Variants in ELFN1 observed in about 807,000 individuals in gnomAD.
ELFN1 encodes the protein protein ELFN1.
In ELFN1, 6 loss-of-function variants were observed where a neutral mutation model predicts 7.6. That is an observed-to-expected ratio of 0.79 (90% confidence interval 0.43 to 1.56). The LOEUF is 1.56. Ranked by LOEUF, ELFN1 falls within the 40% of genes most tolerant of loss-of-function variation. ELFN1 has a pLI of 0.01. For synonymous variants in ELFN1, 657 were observed against 588.1 expected (o/e 1.12, Z -1.70); for missense variants, 1,169 against 1,232.2 (o/e 0.95, Z 0.77).
rs577688207 is a variant in ELFN1, at chr7:1,735,111, T to C, written c.-293-9193T>C. Among the ~76,000 whole-genome samples, 22 of 152,252 alleles carry C rather than the reference T, an allele frequency of 1.4e-4. No homozygotes were observed. Among genetic ancestry groups the C allele is most frequent in the Non-Finnish European group, 2.8e-4 (19 of 68,014 alleles). On this transcript the variant is annotated intron_variant, in intron 3 of 3. Coordinates refer to ENST00000424383, the MANE Select transcript of ELFN1 (RefSeq NM_001128636.4). This position sits in a 1 kb window ranked among gnomAD's most constrained non-coding sequence, Gnocchi z 5.9. Reference sequence around the variant, plus strand: ...CCCATGCTGAGCCTCTGTTTCCCCATCTGTCCAATTGAGGTAACACTAACC... The same window carrying C: ...CCCATGCTGAGCCTCTGTTTCCCCACCTGTCCAATTGAGGTAACACTAACC...
intron 3 of ELFN1, among the ~76,000 whole-genome samples, chr7:1,736,811 C>G (rs1027041342): frequency 4.0e-4 from 61 of 152,272 alleles, no homozygotes; most frequent in Middle Eastern, 3.4e-3. Flanking sequence ...CCTGGCCTCT[C>G]CTGCTGTGGC....
chr7:1,710,156 A>G (rs1208424228), intron 3 of ELFN1, among the ~76,000 whole-genome samples: 1 of 152,242 alleles, frequency 6.6e-6, no homozygotes, highest in African/African-American at 2.4e-5. Flanking sequence ...TCCATATTGA[A>G]GAGTTCTATA....
intron 1 of ELFN1, among the ~76,000 whole-genome samples, chr7:1,671,786 C>T (rs762436112): frequency 5.9e-5 from 9 of 152,238 alleles, no homozygotes; most frequent in Non-Finnish European, 8.8e-5. Context: ...GCTTACAGGT[C>T]CCAGCCCAGG....
intron 3 of ELFN1, among the ~76,000 whole-genome samples, chr7:1,724,440 G>A (rs982164322): frequency 1.3e-5 from 2 of 152,170 alleles, no homozygotes; most frequent in East Asian, 1.9e-4. Flanking sequence ...GGCTGGCTAC[G>A]TGGGTGTGAG....
Position 1,675,977 on chromosome 7 carries a change from C to G in ELFN1, c.-549+5623C>G, listed in dbSNP as rs146068025. Among the ~76,000 whole-genome samples the G allele has an allele frequency of 2.6e-3, 394 of 152,274 alleles. 6 individuals are homozygous for G. The highest frequency in any genetic ancestry group is 9.2e-3 in the African/African-American group (381 of 41,554). On this transcript the variant is annotated intron_variant, in intron 1 of 3. Transcript: ENST00000424383. ...AGGATGTGTCTCCTGGGCGTGGACT[C>G]TGGGCTGTGCTGTGGCTCCTGCCTG...
In ELFN1 at chr7:1,670,560, G is replaced by C. The variant is rs934021613; in HGVS notation, c.-549+206G>C. 1.7e-4 allele frequency among the ~76,000 whole-genome samples: 26 copies of C among 151,864 alleles called. No individual in the cohort carries two copies. The highest frequency in any genetic ancestry group is 6.3e-4 in the African/African-American group (26 of 41,452). ...AAGTTGGAGGAACTTGGCGGCGGCG[G>C]AGCGGGCGCAGGCTCAGCCCGACAA... On this transcript the variant is annotated intron_variant, in intron 1 of 3. Transcript: ENST00000424383. This position sits in a 1 kb window ranked among gnomAD's most constrained non-coding sequence, Gnocchi z 6.4.
chr7:1,677,824 G>A (rs1031699327), intron 1 of ELFN1, among the ~76,000 whole-genome samples: 1 of 151,996 alleles, frequency 6.6e-6, no homozygotes, highest in African/African-American at 2.4e-5. Context: ...GCTCTGAGAT[G>A]CAGGGAGCGT....
At chr7:1,689,949 G>A (rs1329876542) in intron 2 of ELFN1, among the ~76,000 whole-genome samples, 1 of 152,206 alleles carries the variant, frequency 6.6e-6, no homozygotes, top group Non-Finnish European at 1.5e-5. Context: ...CTGGACACCT[G>A]GCATCTGGAG....
At chr7:1,720,588 C>T (rs184830494) in intron 3 of ELFN1, among the ~76,000 whole-genome samples, 11 of 152,278 alleles carry the variant, frequency 7.2e-5, no homozygotes, top group Non-Finnish European at 1.3e-4. Context: ...TGGCTCTTTG[C>T]GCCAGCTTGT....
intron 3 of ELFN1, among the ~76,000 whole-genome samples, chr7:1,711,757 T>C (rs1779664162): frequency 6.6e-6 from 1 of 152,210 alleles, no homozygotes; most frequent in Admixed American, 6.5e-5. Context: ...TGCCCCTCTG[T>C]GGATGACAGT....
At chr7:1,703,730 C>T (rs1329641929) in intron 2 of ELFN1, among the ~76,000 whole-genome samples, 3 of 152,164 alleles carry the variant, frequency 2.0e-5, no homozygotes, top group African/African-American at 4.8e-5. Context: ...CTAATTACCA[C>T]GGGGACAATC....
At chr7:1,667,971 G>GA (rs1221293045), upstream of ELFN1, among the ~76,000 whole-genome samples, 1 of 141,388 alleles carries the variant, frequency 7.1e-6, no homozygotes, top group African/African-American at 2.5e-5. This position sits in a 1 kb window ranked among gnomAD's most constrained non-coding sequence, Gnocchi z 8.2. Flanking sequence ...GGGGTGGGGG[G>GA]GGGGGGCGGC....
chr7:1,693,900 C>T, intron 2 of ELFN1: 1 of 405,304 alleles, frequency 2.5e-6, no homozygotes, highest in South Asian at 1.8e-5. Flanking sequence ...GTCCATGCCA[C>T]CTCCTCCTGC....
chr7:1,707,419 C>A (rs1320517605), intron 2 of ELFN1, among the ~76,000 whole-genome samples: 1 of 152,220 alleles, frequency 6.6e-6, no homozygotes, highest in South Asian at 2.1e-4. Context: ...TGGGGCTTTG[C>A]GGGAGGCTGG....
At chr7:1,741,660 C>T (rs1780618015) in intron 3 of ELFN1, among the ~76,000 whole-genome samples, 1 of 152,110 alleles carries the variant, frequency 6.6e-6, no homozygotes. Flanking sequence ...CCAGCCAGGC[C>T]CTGGAGATGT....
At chr7:1,722,265 C>T (rs1780045535) in intron 3 of ELFN1, among the ~76,000 whole-genome samples, 2 of 135,286 alleles carry the variant, frequency 1.5e-5, no homozygotes, top group African/African-American at 5.4e-5. Flanking sequence ...TTAGGAGCCA[C>T]TTTTTTTTTT....
At chr7:1,741,129 CAAAAAA>C (rs34300810) in intron 3 of ELFN1, among the ~76,000 whole-genome samples, 3 of 116,876 alleles carry the variant, frequency 2.6e-5, no homozygotes, top group African/African-American at 9.9e-5. Context: ...GACTCTGTCT[CAAAAAA>C]AAAAAAAAAA....
rs531305655 is a variant in ELFN1, at chr7:1,744,534, G to A, written c.-63G>A. 15 of 1,427,400 alleles carry A rather than the reference G, an allele frequency of 1.1e-5. No individual in the cohort carries two copies. The highest frequency in any genetic ancestry group is 7.6e-5 in the South Asian group (5 of 66,128). 88.4% of individuals were successfully genotyped at this position (1,427,400 alleles called of 1,614,324 possible). ...CCCCTCCATCCCTCTGGGGGCTGGC[G>A]CCTGGCCCCCCACCTGGTCCCCCTG... On this transcript the variant is annotated 5_prime_UTR_variant, in exon 4 of 4. Coordinates refer to ENST00000424383, the MANE Select transcript of ELFN1 (RefSeq NM_001128636.4).
At chr7:1,736,208 T>G (rs1780437451) in intron 3 of ELFN1, among the ~76,000 whole-genome samples, 1 of 152,136 alleles carries the variant, frequency 6.6e-6, no homozygotes, top group Non-Finnish European at 1.5e-5. Flanking sequence ...AAACATGATC[T>G]ATCGGCAAAA....
Sources: allele counts gnomAD v4.1 joint callset (sites outside exome capture counted in the v4.1 genomes callset), GRCh38; gene constraint gnomAD v4.1.1; non-coding constraint Gnocchi (gnomAD v3.1); transcripts MANE v1.5; gene names NCBI Gene and HGNC (gene_info 2026-07-23, HGNC 2026-07-21).